The following SCIMP variants were observed in gnomAD, a reference collection of about 807,000 sequenced individuals.
The protein encoded by SCIMP is SLP adaptor and CSK interacting membrane protein.
A neutral mutation model predicts 22.0 loss-of-function variants in SCIMP; 18 were observed. That is an observed-to-expected ratio of 0.82 (90% CI 0.56 to 1.21). The LOEUF (loss-of-function observed/expected upper bound fraction) is 1.21, where lower values mean the gene tolerates loss of function less well. Ranked by LOEUF, SCIMP falls within the 50% of genes most tolerant of loss-of-function variation. The pLI is 0.00. For missense variants in SCIMP, 155 were observed against 171.2 expected, an observed-to-expected ratio of 0.91 and a Z score of 0.53; for synonymous variants, 53 against 62.2, an observed-to-expected ratio of 0.85 and a Z score of 0.70.
chr17:5,222,209 C>T (rs1298382244), intron 2 of SCIMP, among the ~76,000 whole-genome samples: 4 of 151,960 alleles, frequency 2.6e-5, no homozygotes, highest in Non-Finnish European at 4.4e-5. Flanking sequence ...CCTGCCTCAG[C>T]CTTCCTAGTA....
At chr17:5,234,675 T>A (rs2074730355) in intron 1 of SCIMP, 60 bp downstream of exon 1, 1 of 1,580,280 alleles carries the variant, frequency 6.3e-7, no homozygotes, top group Admixed American at 1.7e-5. Flanking sequence ...ATGCCAGCGC[T>A]GGCAGATGTC....
In SCIMP at chr17:5,214,159, C is replaced by G. The variant is rs988138031; in HGVS notation, c.283+766G>C. On this transcript the variant is annotated intron_variant, in intron 4 of 4. Coordinates refer to ENST00000574081, the MANE Select transcript of SCIMP (RefSeq NM_207103.3). ...AACCTCACAGAAATCGGCCAACACC[C>G]TCATCTCGGGCTTCCAGCTTCAGAA... The G allele has an allele frequency of 2.6e-4, 39 of 152,294 alleles. 2 individuals carry two copies. The highest frequency in any genetic ancestry group is 1.5e-5 in the Non-Finnish European group (1 of 68,100). The allele number at this position is 152,294 out of a possible 1,614,324, so 9.4% of individuals were successfully genotyped here. A position where few individuals can be genotyped will look rare whatever the true frequency, so the allele number is the denominator to read the frequency against.
chr17:5,214,460 G>A (rs1033695995), intron 4 of SCIMP: 6 of 154,458 alleles, frequency 3.9e-5, no homozygotes, highest in African/African-American at 1.4e-4. Context: ...GGAGGCTGAG[G>A]TGGGAGAATG....
chr17:5,220,867 G>A (rs2074601259), intron 3 of SCIMP: 1 of 326,084 alleles, frequency 3.1e-6, no homozygotes, highest in South Asian at 2.5e-5. Context: ...AGACCAGCCT[G>A]GCCAACATGG....
At chr17:5,230,152 C>T (rs2074683044) in intron 1 of SCIMP, among the ~76,000 whole-genome samples, 1 of 152,138 alleles carries the variant, frequency 6.6e-6, no homozygotes, top group Admixed American at 6.6e-5. Flanking sequence ...CCTGTTCCCA[C>T]TTAGCTGTTG....
At chr17:5,215,081 A>G (rs1029250560) in intron 3 of SCIMP, 83 bp from the exon 4 acceptor site, 5 of 847,310 alleles carry the variant, frequency 5.9e-6, no homozygotes, top group African/African-American at 1.7e-5. Flanking sequence ...ACATCAAGGA[A>G]AGTGAATGGG....
At chr17:5,212,574 C>G (rs2074533550) in intron 4 of SCIMP, among the ~76,000 whole-genome samples, 1 of 152,092 alleles carries the variant, frequency 6.6e-6, no homozygotes, top group Admixed American at 6.6e-5. Flanking sequence ...GTGGAGCTTG[C>G]AGTGAGCCGA....
At chr17:5,220,756 TA>T (rs201322715) in intron 3 of SCIMP, among the ~76,000 whole-genome samples, 5 of 123,110 alleles carry the variant, frequency 4.1e-5, no homozygotes, top group South Asian at 2.5e-4. Flanking sequence ...AAAATAAAAA[TA>T]AAAAAAAATA....
At chr17:5,222,095 T>G (rs1476197962) in intron 2 of SCIMP, among the ~76,000 whole-genome samples, 2 of 147,788 alleles carry the variant, frequency 1.4e-5, no homozygotes, top group East Asian at 2.0e-4. Flanking sequence ...AAAACTTGTT[T>G]TTTTTTTTTT....
At position 5,221,295 on chromosome 17, in the gene SCIMP, C is replaced by T. The variant is rs372732996; in HGVS notation, c.201G>A (p.Lys67=). 31 of 1,612,728 alleles carry T rather than the reference C, an allele frequency of 1.9e-5. No homozygotes were observed. The East Asian group carries it at 2.9e-4, about 15-fold the overall frequency. ...PLKHKQVDEE[K]MYENVLNESP... Reference sequence around the variant, plus strand: ...GATTCCCCCCTACTTACTCATACATCTTTTCTTCATCTACTTGCTTGTGTT... The same window carrying T: ...GATTCCCCCCTACTTACTCATACATTTTTTCTTCATCTACTTGCTTGTGTT... Residue 67 remains lysine (K), a synonymous_variant, in exon 3 of 5, where the codon AAG becomes AAA. Coordinates refer to ENST00000574081, the MANE Select transcript of SCIMP (RefSeq NM_207103.3).
chr17:5,223,519 T>C, intron 1 of SCIMP, 63 bp from the exon 2 acceptor site: 3 of 1,548,148 alleles, frequency 1.9e-6, no homozygotes, highest in Non-Finnish European at 2.7e-6. Context: ...TTGGGTGGAG[T>C]GGGGCAGTTA....
intron 3 of SCIMP, among the ~76,000 whole-genome samples, chr17:5,219,038 G>A (rs528054978): frequency 2.6e-5 from 4 of 152,272 alleles, no homozygotes; most frequent in Middle Eastern, 3.4e-3. Flanking sequence ...GAGTGTCTCC[G>A]GCCGGGCGTG....
At chr17:5,212,124 A>G (rs1234043253) in intron 4 of SCIMP, among the ~76,000 whole-genome samples, 1 of 152,224 alleles carries the variant, frequency 6.6e-6, no homozygotes. Flanking sequence ...TAGAAGGATG[A>G]TGAAACAGCT....
At chr17:5,230,934 C>T (rs2074688941) in intron 1 of SCIMP, among the ~76,000 whole-genome samples, 1 of 152,042 alleles carries the variant, frequency 6.6e-6, no homozygotes, top group African/African-American at 2.4e-5. Flanking sequence ...GAGTGAGACC[C>T]TGTCTTTAAA....
intron 1 of SCIMP, chr17:5,234,465 ACTT>A (rs2074728687): frequency 5.7e-6 from 3 of 522,178 alleles, no homozygotes; most frequent in Non-Finnish European, 6.9e-6. Flanking sequence ...CAAGAGGTAG[ACTT>A]CTTCATCGCC....
intron 3 of SCIMP, among the ~76,000 whole-genome samples, chr17:5,218,716 G>A (rs2074583899): frequency 6.6e-6 from 1 of 152,156 alleles, no homozygotes; most frequent in African/African-American, 2.4e-5. Context: ...AAAGGGATCA[G>A]AATTGATGGA....
intron 1 of SCIMP, among the ~76,000 whole-genome samples, chr17:5,229,371 T>C (rs1341043238): frequency 6.9e-6 from 1 of 144,046 alleles, no homozygotes; most frequent in African/African-American, 2.6e-5. Flanking sequence ...TCTGAGACTG[T>C]GGGTTTATTT....
chr17:5,215,026 G>C, intron 3 of SCIMP, 28 bp from the exon 4 acceptor site: 2 of 1,515,482 alleles, frequency 1.3e-6, no homozygotes, highest in Non-Finnish European at 1.8e-6. Context: ...GAGAGAATCA[G>C]TGTTTGGTTT....
At position 5,209,114 on chromosome 17, in the gene SCIMP, A is replaced by G. The variant is rs963676805; in HGVS notation, c.*1687T>C. 2.6e-5 allele frequency: 4 copies of G among 152,006 alleles called. No homozygotes were observed. Among genetic ancestry groups the G allele is most frequent in the East Asian group, 1.9e-4 (1 of 5,196 alleles). The allele number at this position is 152,006 out of a possible 1,614,324, so 9.4% of individuals were successfully genotyped here. On this transcript the variant is annotated 3_prime_UTR_variant, in exon 5 of 5. Transcript: ENST00000574081. ...ATAGTTAGATAACTACTGGCCTAAC[A>G]TAAGGAGGGTTTATTTATTTATTTA...
Sources: allele counts gnomAD v4.1 joint callset (sites outside exome capture counted in the v4.1 genomes callset), GRCh38; gene constraint gnomAD v4.1.1; transcripts MANE v1.5; gene names NCBI Gene and HGNC (gene_info 2026-07-23, HGNC 2026-07-21).